NLGN1: variants seen among roughly 807,000 people sequenced by gnomAD.
NLGN1 encodes neuroligin 1.
In NLGN1, 12 loss-of-function variants were observed where a neutral mutation model predicts 65.5. That is an observed-to-expected ratio of 0.18 (90% confidence interval 0.12 to 0.30). The LOEUF (loss-of-function observed/expected upper bound fraction) is 0.30. NLGN1 is among the 10% of genes least tolerant of loss of function. NLGN1 has a pLI of 1.00. For missense variants in NLGN1, 750 were observed against 1,007.1 expected (o/e 0.74, Z 3.46); for synonymous variants, 350 against 359.5 (o/e 0.97, Z 0.30).
intron 2 of NLGN1, among the ~76,000 whole-genome samples, chr3:173,539,692 A>ATATGTACATATATACATATATGTG (rs1560406608): frequency 7.4e-6 from 1 of 135,018 alleles, no homozygotes; most frequent in African/African-American, 3.0e-5. Flanking sequence ...ACATATATGT[A>ATATGTACATATATACATATATGTG]CATATGCACA....
At chr3:173,888,808 T>C (rs1734817988) in intron 4 of NLGN1, among the ~76,000 whole-genome samples, 1 of 152,142 alleles carries the variant, frequency 6.6e-6, no homozygotes, top group African/African-American at 2.4e-5. Context: ...ATTTAAACTC[T>C]GCAATAACCC....
intron 3 of NLGN1, among the ~76,000 whole-genome samples, chr3:173,789,205 AAAG>A (rs1303173772): frequency 1.3e-5 from 2 of 151,966 alleles, no homozygotes; most frequent in Non-Finnish European, 2.9e-5. Flanking sequence ...TCCAAAAAAA[AAAG>A]AAAGAGAGAG....
intron 3 of NLGN1, among the ~76,000 whole-genome samples, chr3:173,684,666 A>C (rs1241148809): frequency 6.6e-6 from 1 of 152,200 alleles, no homozygotes; most frequent in African/African-American, 2.4e-5. Context: ...AATGTCAGTC[A>C]CTGAATCAGG....
At chr3:173,494,132 T>C (rs1361300771) in intron 2 of NLGN1, among the ~76,000 whole-genome samples, 3 of 150,284 alleles carry the variant, frequency 2.0e-5, no homozygotes, top group Non-Finnish European at 3.0e-5. Flanking sequence ...AGTGTGTGTG[T>C]GTGTGTGTGT....
chr3:174,114,614 T>C (rs190663716), intron 4 of NLGN1, among the ~76,000 whole-genome samples: 3 of 152,296 alleles, frequency 2.0e-5, no homozygotes, highest in Admixed American at 2.0e-4. Context: ...TCAGTATGTT[T>C]CCTTTTAAAT....
intron 2 of NLGN1, among the ~76,000 whole-genome samples, chr3:173,444,944 CAA>C (rs1430261508): frequency 4.0e-5 from 6 of 148,814 alleles, no homozygotes; most frequent in Admixed American, 7.0e-5. Flanking sequence ...TTCAGGAATG[CAA>C]TATGCAAGGA....
intron 4 of NLGN1, among the ~76,000 whole-genome samples, chr3:174,137,842 GC>G (rs1372054857): frequency 6.6e-6 from 1 of 152,206 alleles, no homozygotes; most frequent in East Asian, 1.9e-4. Flanking sequence ...ATCTATTCCA[GC>G]TCCTGATTTC....
intron 3 of NLGN1, among the ~76,000 whole-genome samples, chr3:173,747,801 CTTTTTTTT>C (rs749749824): frequency 3.3e-4 from 21 of 64,422 alleles, no homozygotes; most frequent in African/African-American, 1.1e-3. Flanking sequence ...TCTTCTTGTT[CTTTTTTTT>C]TTTTTTTTTT....
intron 4 of NLGN1, among the ~76,000 whole-genome samples, chr3:174,024,314 G>A (rs1278535483): frequency 6.6e-6 from 1 of 152,066 alleles, no homozygotes; most frequent in African/African-American, 2.4e-5. Flanking sequence ...TCAAGAAAAG[G>A]CAACCAAGAA....
At chr3:174,245,572 C>T (rs1053692610) in intron 4 of NLGN1, among the ~76,000 whole-genome samples, 5 of 152,034 alleles carry the variant, frequency 3.3e-5, no homozygotes, top group East Asian at 1.9e-4. Flanking sequence ...AAAATAAACC[C>T]GGTGTCTAAT....
chr3:173,946,700 GC>G (rs747073137), intron 4 of NLGN1, among the ~76,000 whole-genome samples: 19 of 152,162 alleles, frequency 1.2e-4, no homozygotes, highest in Non-Finnish European at 2.5e-4. Context: ...ACTTCCGCTA[GC>G]AGAGAATGAA....
chr3:174,152,669 A>C (rs1724620517), intron 4 of NLGN1, among the ~76,000 whole-genome samples: 1 of 151,882 alleles, frequency 6.6e-6, no homozygotes, highest in African/African-American at 2.4e-5. Flanking sequence ...TAAAATAAAA[A>C]AATTAATAGT....
chr3:173,946,773 A>T (rs544019400), intron 4 of NLGN1, among the ~76,000 whole-genome samples: 1 of 152,210 alleles, frequency 6.6e-6, no homozygotes, highest in African/African-American at 2.4e-5. Flanking sequence ...ACCATTGCCA[A>T]TATGTCCATT....
chr3:173,589,878 T>C (rs1748169689), intron 2 of NLGN1, among the ~76,000 whole-genome samples: 1 of 152,186 alleles, frequency 6.6e-6, no homozygotes, highest in Admixed American at 6.5e-5. Flanking sequence ...AAAATTGTCA[T>C]TGCTTTTTAA....
At chr3:173,779,681 A>G (rs1038240894) in intron 3 of NLGN1, among the ~76,000 whole-genome samples, 6 of 152,234 alleles carry the variant, frequency 3.9e-5, no homozygotes, top group Non-Finnish European at 8.8e-5. Context: ...ACTAACTACT[A>G]TGGAACATAG....
intron 2 of NLGN1, among the ~76,000 whole-genome samples, chr3:173,583,985 A>G (rs1010488219): frequency 1.3e-5 from 2 of 152,174 alleles, no homozygotes; most frequent in African/African-American, 2.4e-5. Context: ...TAGTTATTAA[A>G]GAAACAAATA....
chr3:174,275,490 T>A, exon 5 of NLGN1: 1 of 1,612,394 alleles, frequency 6.2e-7, no homozygotes. Flanking sequence ...CTTTATCCCA[T>A]TATTCTGAAG....
chr3:174,094,379 C>T (rs1016133239), intron 4 of NLGN1, among the ~76,000 whole-genome samples: 3 of 151,898 alleles, frequency 2.0e-5, no homozygotes, highest in African/African-American at 7.3e-5. Flanking sequence ...CAACCCATGG[C>T]CTGGTGGGCC....
At chr3:173,605,942 A>G (rs1751340460) in intron 3 of NLGN1, among the ~76,000 whole-genome samples, 1 of 151,846 alleles carries the variant, frequency 6.6e-6, no homozygotes, top group Non-Finnish European at 1.5e-5. Flanking sequence ...TGATCTCTGA[A>G]CTCTTTTCTA....
Sources: allele counts gnomAD v4.1 joint callset (sites outside exome capture counted in the v4.1 genomes callset), GRCh38; gene constraint gnomAD v4.1.1; transcripts MANE v1.5; gene names NCBI Gene and HGNC (gene_info 2026-07-23, HGNC 2026-07-21).